Variants in NTM observed in about 807,000 individuals in gnomAD.
NTM encodes IgLON family member 2.
In NTM, 13 loss-of-function variants were observed where a neutral mutation model predicts 42.1. The ratio of observed to expected loss-of-function variants is 0.31; its 90% CI spans 0.20 to 0.49. The LOEUF (loss-of-function observed/expected upper bound fraction) is 0.49. Ranked by LOEUF, NTM falls within the 20% of genes least tolerant of loss-of-function variation. The probability of loss-of-function intolerance (pLI) is 0.99; values close to 1 mark genes in which losing one functional copy is unlikely to be tolerated. For missense variants in NTM, 373 were observed against 452.8 expected (o/e 0.82, Z 1.60); for synonymous variants, 187 against 179.2 (o/e 1.04, Z -0.35).
intron 4 of NTM, among the ~76,000 whole-genome samples, chr11:132,305,019 C>T (rs551374267): frequency 4.7e-4 from 71 of 152,286 alleles, no homozygotes; most frequent in African/African-American, 1.7e-3. Flanking sequence ...GATCACCTGA[C>T]ATAAATATAC....
chr11:131,478,371 T>C (rs1953185101), intron 1 of NTM, among the ~76,000 whole-genome samples: 1 of 152,222 alleles, frequency 6.6e-6, no homozygotes, highest in Non-Finnish European at 1.5e-5. Context: ...AGAGCATTTA[T>C]GGACACCTTG....
rs538840266 is a variant in NTM, at chr11:131,408,633, G to A, written c.82+37745G>A. Reference sequence around the variant, plus strand: ...GTATCAACCAGTTTGTTTTCACCTTGCAGATGAGAAAACTGGGGCTCCGAG... The same window carrying A: ...GTATCAACCAGTTTGTTTTCACCTTACAGATGAGAAAACTGGGGCTCCGAG... On this transcript the variant is annotated intron_variant, in intron 1 of 8. Transcript: ENST00000683400. Among the ~76,000 whole-genome samples, 7 of 152,214 alleles carry A rather than the reference G, an allele frequency of 4.6e-5. No homozygotes were observed. The East Asian group carries it at 7.7e-4, about 17-fold the overall frequency.
At chr11:131,805,612 T>G (rs2092436940) in intron 1 of NTM, among the ~76,000 whole-genome samples, 1 of 152,262 alleles carries the variant, frequency 6.6e-6, no homozygotes, top group African/African-American at 2.4e-5. Context: ...TAATAGATCT[T>G]ATGATAGCAT....
At chr11:131,601,747 TGAGA>T (rs2060505500) in intron 1 of NTM, among the ~76,000 whole-genome samples, 1 of 152,236 alleles carries the variant, frequency 6.6e-6, no homozygotes, top group Non-Finnish European at 1.5e-5. Flanking sequence ...CTCATTGGGA[TGAGA>T]GAGAATGGCT....
At chr11:131,909,286 T>C (rs1053721740) in intron 1 of NTM, among the ~76,000 whole-genome samples, 6 of 152,186 alleles carry the variant, frequency 3.9e-5, no homozygotes, top group African/African-American at 1.2e-4. Flanking sequence ...GGTGAAATGT[T>C]TGTGTCCTCT....
At chr11:132,210,295 G>A (rs772377889) in intron 3 of NTM, among the ~76,000 whole-genome samples, 22 of 152,208 alleles carry the variant, frequency 1.4e-4, no homozygotes, top group Non-Finnish European at 3.1e-4. Flanking sequence ...GAACTAAGAA[G>A]TCAAAACCAG....
At chr11:131,547,081 T>C (rs2054045981) in intron 1 of NTM, among the ~76,000 whole-genome samples, 1 of 151,832 alleles carries the variant, frequency 6.6e-6, no homozygotes, top group Admixed American at 6.5e-5. Flanking sequence ...CATGCACATA[T>C]GTGACTTTCC....
intron 2 of NTM, among the ~76,000 whole-genome samples, chr11:132,047,838 C>T (rs572738746): frequency 1.1e-4 from 17 of 152,244 alleles, no homozygotes; most frequent in Admixed American, 8.5e-4. Flanking sequence ...TTCTGTCTTA[C>T]GTATCATATT....
At chr11:132,120,367 G>T (rs976086267) in intron 2 of NTM, among the ~76,000 whole-genome samples, 5 of 152,174 alleles carry the variant, frequency 3.3e-5, no homozygotes, top group African/African-American at 1.2e-4. Context: ...GGAAAAGAAT[G>T]AGAGTGAGGG....
intron 2 of NTM, among the ~76,000 whole-genome samples, chr11:132,017,274 A>C (rs927524428): frequency 6.6e-6 from 1 of 152,112 alleles, no homozygotes; most frequent in Middle Eastern, 3.4e-3. Flanking sequence ...ATGTTAGTTC[A>C]TACATGTCGA....
chr11:132,184,562 C>G (rs746986003), intron 3 of NTM, among the ~76,000 whole-genome samples: 2 of 152,112 alleles, frequency 1.3e-5, no homozygotes, highest in Admixed American at 6.5e-5. Flanking sequence ...TCCAGTCGTC[C>G]GGTCCTGGTA....
At chr11:131,761,517 G>A (rs1329807195) in intron 1 of NTM, among the ~76,000 whole-genome samples, 3 of 152,064 alleles carry the variant, frequency 2.0e-5, no homozygotes, top group African/African-American at 7.2e-5. Context: ...CTCATAAGAG[G>A]AGAAAGCCGG....
At chr11:131,961,242 T>TTC (rs2062134221) in intron 2 of NTM, among the ~76,000 whole-genome samples, 3 of 152,300 alleles carry the variant, frequency 2.0e-5, no homozygotes, top group African/African-American at 7.2e-5. Context: ...TCCTGTTGAT[T>TTC]ATGCAGGAAA....
intron 2 of NTM, among the ~76,000 whole-genome samples, chr11:132,069,777 A>C (rs2057193355): frequency 6.6e-6 from 1 of 150,524 alleles, no homozygotes; most frequent in Admixed American, 6.6e-5. Context: ...CGTCAAACTG[A>C]CGATCACAGG....
intron 2 of NTM, among the ~76,000 whole-genome samples, chr11:131,962,539 G>A (rs2062331754): frequency 6.6e-6 from 1 of 152,162 alleles, no homozygotes; most frequent in South Asian, 2.1e-4. Context: ...AGGAAACCAG[G>A]AGGCGGGCCC....
chr11:131,686,263 A>G (rs992685089), intron 1 of NTM, among the ~76,000 whole-genome samples: 25 of 152,166 alleles, frequency 1.6e-4, no homozygotes, highest in Non-Finnish European at 2.9e-4. Flanking sequence ...ATAACTTTTG[A>G]CTTCTCAAAA....
intron 1 of NTM, among the ~76,000 whole-genome samples, chr11:131,490,755 C>T (rs988337100): frequency 9.9e-5 from 15 of 152,196 alleles, no homozygotes; most frequent in Non-Finnish European, 1.8e-4. Context: ...ACTTCCATTG[C>T]TTTTAACCTG....
At chr11:132,245,857 G>A (rs1462185958) in intron 4 of NTM, among the ~76,000 whole-genome samples, 3 of 152,094 alleles carry the variant, frequency 2.0e-5, no homozygotes, top group Non-Finnish European at 4.4e-5. Context: ...AAACTCCTCG[G>A]TTGCTCCCAC....
intron 1 of NTM, among the ~76,000 whole-genome samples, chr11:131,815,586 G>C (rs955603468): frequency 2.0e-5 from 3 of 152,140 alleles, no homozygotes; most frequent in Admixed American, 6.5e-5. Flanking sequence ...AATTTGTCCT[G>C]TGCTCTGCAG....
Sources: allele counts gnomAD v4.1 joint callset (sites outside exome capture counted in the v4.1 genomes callset), GRCh38; gene constraint gnomAD v4.1.1; transcripts MANE v1.5; gene names NCBI Gene and HGNC (gene_info 2026-07-23, HGNC 2026-07-21).